The following WASHC2A variants were observed in gnomAD, a reference collection of about 807,000 sequenced individuals.
WASHC2A encodes WASH complex subunit FAM21A.
In WASHC2A, 82 loss-of-function variants were observed where a neutral mutation model predicts 140.3. The ratio of observed to expected loss-of-function variants is 0.58; its 90% CI spans 0.49 to 0.70. The LOEUF (loss-of-function observed/expected upper bound fraction) is 0.70, where lower values mean the gene tolerates loss of function less well. WASHC2A is among the 30% of genes least tolerant of loss of function. WASHC2A has a pLI of 0.00. For missense variants in WASHC2A, 985 were observed against 1,521.8 expected (o/e 0.65, Z 5.87); for synonymous variants, 340 against 560.8 (o/e 0.61, Z 5.56).
At chr10:50,109,867 T>C (rs1230097361) in intron 19 of WASHC2A, among the ~76,000 whole-genome samples, 1 of 152,070 alleles carries the variant, frequency 6.6e-6, no homozygotes, top group Admixed American at 6.5e-5. Context: ...CCTCCTGGGT[T>C]CACTCCATTC....
intron 5 of WASHC2A, among the ~76,000 whole-genome samples, chr10:50,082,029 C>G (rs1235476825): frequency 6.6e-6 from 1 of 152,104 alleles, no homozygotes. Context: ...TTGGCACTGA[C>G]CGGTACACTT....
At chr10:50,131,475 AG>A (rs1340325737) in intron 30 of WASHC2A, among the ~76,000 whole-genome samples, 2 of 152,190 alleles carry the variant, frequency 1.3e-5, no homozygotes, top group Non-Finnish European at 2.9e-5. Flanking sequence ...CCAGATAGAC[AG>A]GGAGTGTCCA....
intron 8 of WASHC2A, among the ~76,000 whole-genome samples, chr10:50,090,020 G>A (rs1839735582): frequency 6.6e-6 from 1 of 151,226 alleles, no homozygotes; most frequent in African/African-American, 2.4e-5. Flanking sequence ...TGAGGCAGGA[G>A]AATGGCTTGA....
intron 3 of WASHC2A, among the ~76,000 whole-genome samples, chr10:50,077,503 T>C (rs1430981716): frequency 6.6e-6 from 1 of 152,098 alleles, no homozygotes; most frequent in Non-Finnish European, 1.5e-5. Flanking sequence ...ATTTTAAAAA[T>C]TGAGATAGAA....
intron 26 of WASHC2A, 139 bp downstream of exon 26, chr10:50,126,318 T>G: frequency 1.3e-6 from 2 of 1,513,366 alleles, no homozygotes; most frequent in Non-Finnish European, 1.8e-6. Flanking sequence ...TTGTCTTCAC[T>G]GCACTCCCCC....
Position 50,126,073 on chromosome 10 carries a change from G to A in WASHC2A, c.2705G>A (p.Arg902Lys), listed in dbSNP as rs1843401077. 1 of 1,613,626 alleles carries A rather than the reference G, an allele frequency of 6.2e-7. No individual in the cohort carries two copies. Among genetic ancestry groups the A allele is most frequent in the Non-Finnish European group, 8.5e-7 (1 of 1,179,856 alleles). ...CTTTTGAAGGTACAAGAGAAAAAGA[G>A]AGTAGTGAAAAAAGACCACTCTGTT... ...KSQPLVQEKK[R>K]VVKKDHSVDS... Residue 902 changes from arginine to lysine, a missense_variant, in exon 26 of 31, where the codon AGA (arginine) becomes AAA (lysine). By Grantham distance (26) the Arg-to-Lys change is conservative. Coordinates refer to ENST00000282633, the MANE Select transcript of WASHC2A (RefSeq NM_001005751.3).
In WASHC2A at chr10:50,110,265, G is replaced by A; in HGVS notation, c.2034G>A (p.Lys678=). The A allele has an allele frequency of 6.2e-7, 1 of 1,611,754 alleles. No homozygotes were observed. The highest frequency in any genetic ancestry group is 8.5e-7 in the Non-Finnish European group (1 of 1,179,770). ...AAGATGATCTTTTTGCCATTGCCAA[G>A]GACAGGTGAGATAGTCATTGGAAGG... The part of the protein sequence containing the change: ...DEEDDLFAIA[K]DSQKKTQRVS... The change falls in exon 20 of 31, where the codon AAG becomes AAA. Residue 678 remains lysine, a synonymous_variant. Transcript: ENST00000282633.
intron 20 of WASHC2A, among the ~76,000 whole-genome samples, chr10:50,111,809 C>T (rs1176526346): frequency 3.3e-5 from 5 of 152,268 alleles, no homozygotes; most frequent in Admixed American, 3.3e-4. Flanking sequence ...GCAGGCAGAT[C>T]ACGAGGTCAG....
intron 8 of WASHC2A, among the ~76,000 whole-genome samples, chr10:50,087,734 G>T (rs2805147): frequency 2.1e-4 from 32 of 152,150 alleles, no homozygotes; most frequent in East Asian, 3.8e-4. Context: ...TTTTTGAATA[G>T]CTAAAGGCGT....
In WASHC2A at chr10:50,089,860, A is replaced by G. The variant is rs1481219377; in HGVS notation, c.733-916A>G. Among the ~76,000 whole-genome samples, 39 of 152,034 alleles carry G rather than the reference A, an allele frequency of 2.6e-4. 1 individual carries two copies. Among genetic ancestry groups the G allele is most frequent in the Non-Finnish European group, 4.4e-4 (30 of 68,034 alleles). On this transcript the variant is annotated intron_variant, in intron 8 of 30. Transcript: ENST00000282633. Reference sequence around the variant, plus strand: ...CCCAGTGCTTTGAGAATGTAATCCCAGCGCTTTGGGAAGCTGAGGTGGTTG... The same window carrying G: ...CCCAGTGCTTTGAGAATGTAATCCCGGCGCTTTGGGAAGCTGAGGTGGTTG...
chr10:50,093,994 G>T (rs1332558140), intron 13 of WASHC2A, 77 bp downstream of exon 13: 1 of 1,606,156 alleles, frequency 6.2e-7, no homozygotes, highest in African/African-American at 1.3e-5. Flanking sequence ...ATGGAACAAG[G>T]TTGTTCCCAA....
chr10:50,072,636 G>A (rs562120808), intron 3 of WASHC2A, among the ~76,000 whole-genome samples: 1 of 151,768 alleles, frequency 6.6e-6, no homozygotes, highest in East Asian at 1.9e-4. Flanking sequence ...ACAGGCACCC[G>A]CCACCACACC....
At chr10:50,073,056 C>G (rs1554876805) in intron 3 of WASHC2A, among the ~76,000 whole-genome samples, 1 of 152,104 alleles carries the variant, frequency 6.6e-6, no homozygotes, top group African/African-American at 2.4e-5. Context: ...AGTAAAGGCT[C>G]AAGAGGGGAC....
rs1476607897 is a variant in WASHC2A, at chr10:50,116,308, A to G, written c.2143-1598A>G. ...TCTCCCCTATCAACTATTTGCATTG[A>G]ATTATTATTATTTTTTTTTTTTTTT... On this transcript the variant is annotated intron_variant, in intron 21 of 30. Transcript: ENST00000282633. 8.7e-5 allele frequency among the ~76,000 whole-genome samples: 7 copies of G among 80,344 alleles called. 2 individuals are homozygous for G. Among genetic ancestry groups the G allele is most frequent in the Non-Finnish European group, 1.7e-4 (7 of 41,374 alleles). 52.7% of individuals were successfully genotyped at this position (80,344 alleles called of 152,430 possible).
Position 50,091,169 on chromosome 10 carries a change from C to T in WASHC2A, c.844-262C>T, listed in dbSNP as rs1485154002. 4.6e-5 allele frequency among the ~76,000 whole-genome samples: 7 copies of T among 151,922 alleles called. No homozygotes were observed. In the South Asian group the frequency reaches 6.3e-4, roughly 14 times the overall value. On this transcript the variant is annotated intron_variant, in intron 9 of 30. Coordinates refer to ENST00000282633, the MANE Select transcript of WASHC2A (RefSeq NM_001005751.3). ...CATCCATTCACCTTTTTCTTATTTT[C>T]GTATTTAGATTTTTAAGTATTAAAG...
chr10:50,071,741 C>G (rs1189698385), intron 3 of WASHC2A, among the ~76,000 whole-genome samples: 2 of 147,874 alleles, frequency 1.4e-5, no homozygotes, highest in Non-Finnish European at 3.0e-5. Context: ...ATCTTTTCTC[C>G]AGCTCTTTTC....
intron 5 of WASHC2A, among the ~76,000 whole-genome samples, chr10:50,081,893 A>G (rs1308813806): frequency 2.6e-5 from 4 of 152,232 alleles, no homozygotes; most frequent in African/African-American, 4.8e-5. Flanking sequence ...TTGGCCTCCC[A>G]AAGTGCTGGG....
At chr10:50,101,139 C>G (rs1841110246) in intron 17 of WASHC2A, among the ~76,000 whole-genome samples, 1 of 152,292 alleles carries the variant, frequency 6.6e-6, no homozygotes, top group Admixed American at 6.5e-5. Flanking sequence ...TTGAGGCTAT[C>G]ACTGAAGGCG....
rs367712666 is a variant in WASHC2A at position 50,068,937 on chromosome 10, G to A, written c.127-610G>A. Among the ~76,000 whole-genome samples the A allele has an allele frequency of 3.2e-4, 46 of 144,258 alleles. 2 individuals are homozygous for A. The East Asian group carries it at 3.7e-3, about 12-fold the overall frequency. 94.6% of individuals were successfully genotyped at this position (144,258 alleles called of 152,430 possible). On this transcript the variant is annotated intron_variant, in intron 2 of 30. Coordinates refer to ENST00000282633, the MANE Select transcript of WASHC2A (RefSeq NM_001005751.3). ...CTTGCTATGTTGCCCAGACTGGTCT[G>A]CAACTCCTGGACTCTAGCGATAACC...
Sources: allele counts gnomAD v4.1 joint callset (sites outside exome capture counted in the v4.1 genomes callset), GRCh38; gene constraint gnomAD v4.1.1; transcripts MANE v1.5; gene names NCBI Gene and HGNC (gene_info 2026-07-23, HGNC 2026-07-21).